The following TMCC2 variants were observed in gnomAD, a reference collection of about 807,000 sequenced individuals.
The protein encoded by TMCC2 is transmembrane and coiled-coil domains protein 2.
A neutral mutation model predicts 49.4 loss-of-function variants in TMCC2; 16 were observed. The observed-to-expected ratio is 0.32, with a 90% CI of 0.22 to 0.49. The LOEUF (loss-of-function observed/expected upper bound fraction) is 0.49, where lower values mean the gene tolerates loss of function less well. Ranked by LOEUF, TMCC2 falls within the 20% of genes least tolerant of loss-of-function variation. TMCC2 has a pLI of 0.99. For synonymous variants in TMCC2, 397 were observed against 434.1 expected (o/e 0.91, Z 1.06); for missense variants, 762 against 989.8 (o/e 0.77, Z 3.09).
intron 2 of TMCC2, among the ~76,000 whole-genome samples, chr1:205,260,079 G>T (rs1661043420): frequency 6.6e-6 from 1 of 152,214 alleles, no homozygotes; most frequent in African/African-American, 2.4e-5. Flanking sequence ...GATCATGGAA[G>T]AAGTATGACT....
chr1:205,272,217 G>A lies in TMCC2; in HGVS notation c.*93G>A. 2.6e-6 allele frequency: 4 copies of A among 1,516,364 alleles called. No individual in the cohort carries two copies. The highest frequency in any genetic ancestry group is 2.6e-6 in the Non-Finnish European group (3 of 1,132,234). The allele number at this position is 1,516,364 out of a possible 1,614,324, so 93.9% of individuals were successfully genotyped here. ...TGGACTTCTTTGTGTGTCCAGTTTG[G>A]CCTCCTGCCCAAACTGTCCATTCCA... On this transcript the variant is annotated 3_prime_UTR_variant, in exon 5 of 5. Transcript: ENST00000358024.
intron 2 of TMCC2, among the ~76,000 whole-genome samples, chr1:205,261,789 T>C (rs1661126769): frequency 6.6e-6 from 1 of 152,202 alleles, no homozygotes; most frequent in Admixed American, 6.5e-5. Context: ...TTTCATCTCA[T>C]CGTCCTGATA....
intron 2 of TMCC2, among the ~76,000 whole-genome samples, chr1:205,254,511 A>G (rs969355080): frequency 7.2e-5 from 11 of 152,194 alleles, no homozygotes; most frequent in African/African-American, 2.7e-4. Context: ...GCAGGCTTAG[A>G]AAAGCATTGC....
chr1:205,267,490 T>C (rs575653108), intron 2 of TMCC2, among the ~76,000 whole-genome samples: 1 of 152,126 alleles, frequency 6.6e-6, no homozygotes, highest in East Asian at 1.9e-4. Context: ...GCTTGGGGTG[T>C]GCTGTGTGTA....
At chr1:205,250,367 C>G (rs982853587) in intron 2 of TMCC2, among the ~76,000 whole-genome samples, 2 of 151,938 alleles carry the variant, frequency 1.3e-5, no homozygotes, top group Non-Finnish European at 2.9e-5. Flanking sequence ...ATGAGGAAAC[C>G]CCGTCTCTAC....
rs1462912823 is a variant in TMCC2 at position 205,241,354 on chromosome 1, A to C, written c.208-151A>C. ...CTTTTCGCAAACTGACCCTTTATGC[A>C]CGACGGGCCATCCACAGAGATCTTC... On this transcript the variant is annotated intron_variant, in intron 1 of 4. Coordinates refer to ENST00000358024, the MANE Select transcript of TMCC2 (RefSeq NM_014858.4). This position sits in a 1 kb window ranked among gnomAD's most constrained non-coding sequence, Gnocchi z 7.3. 1 of 886,456 alleles carries C rather than the reference A, an allele frequency of 1.1e-6. No individual in the cohort carries two copies. The highest frequency in any genetic ancestry group is 1.7e-6 in the Non-Finnish European group (1 of 586,480). 54.9% of individuals were successfully genotyped at this position (886,456 alleles called of 1,614,324 possible). A position where few individuals can be genotyped will look rare whatever the true frequency, so the allele number is the denominator to read the frequency against.
At chr1:205,231,146 A>G (rs1659783511) in intron 1 of TMCC2, among the ~76,000 whole-genome samples, 1 of 151,254 alleles carries the variant, frequency 6.6e-6, no homozygotes, top group African/African-American at 2.4e-5. Context: ...TCATCACAAC[A>G]TGTTTACTAC....
intron 2 of TMCC2, chr1:205,246,568 C>T: frequency 1.9e-6 from 3 of 1,548,512 alleles, no homozygotes; most frequent in Non-Finnish European, 2.6e-6. Flanking sequence ...CACGCGTTGG[C>T]TAAAAGGGTG....
intron 1 of TMCC2, chr1:205,229,269 A>G (rs1006061550): frequency 1.4e-4 from 56 of 387,828 alleles, no homozygotes; most frequent in Admixed American, 2.6e-4. Context: ...GCTCACTGCA[A>G]CCTCCACCTC....
chr1:205,244,572 G>A (rs747621066), intron 2 of TMCC2, among the ~76,000 whole-genome samples: 5 of 152,156 alleles, frequency 3.3e-5, no homozygotes, highest in Non-Finnish European at 7.4e-5. Context: ...GTCTGGTGTT[G>A]TAGAGGCTGG....
intron 2 of TMCC2, among the ~76,000 whole-genome samples, chr1:205,259,205 T>C (rs75769267): frequency 6.7e-6 from 1 of 149,040 alleles, no homozygotes; most frequent in Non-Finnish European, 1.5e-5. Context: ...TTTTTTTTTT[T>C]CCATCTAAGA....
At chr1:205,248,363 T>C (rs747092567) in intron 2 of TMCC2, among the ~76,000 whole-genome samples, 1 of 152,164 alleles carries the variant, frequency 6.6e-6, no homozygotes, top group Non-Finnish European at 1.5e-5. Context: ...CAGGCGTGAT[T>C]GCACCACTGC....
chr1:205,243,149 C>T (rs183237226), intron 2 of TMCC2, among the ~76,000 whole-genome samples: 5 of 152,182 alleles, frequency 3.3e-5, no homozygotes, highest in East Asian at 1.9e-4. Context: ...TCTGGGAGGC[C>T]GAGGTGGGTG....
chr1:205,247,924 A>G (rs1191616912), intron 2 of TMCC2, among the ~76,000 whole-genome samples: 4 of 152,020 alleles, frequency 2.6e-5, no homozygotes, highest in Non-Finnish European at 5.9e-5. Flanking sequence ...CCCCACCCCA[A>G]GAAAGTAGGA....
chr1:205,235,795 C>T lies in TMCC2; in HGVS notation c.208-5710C>T, dbSNP rs1450986628. ...CTAGAAAAACAGTTATTTGGCTGGG[C>T]GCGGTGGCTCACGCCTGTAATCCCA... On this transcript the variant is annotated intron_variant, in intron 1 of 4. Transcript: ENST00000358024. Among the ~76,000 whole-genome samples, 4 of 152,086 alleles carry T rather than the reference C, an allele frequency of 2.6e-5. No homozygotes were observed. The East Asian group carries it at 7.7e-4, about 29-fold the overall frequency.
At chr1:205,271,566 G>T (rs1482091453) in intron 4 of TMCC2, among the ~76,000 whole-genome samples, 2 of 152,214 alleles carry the variant, frequency 1.3e-5, no homozygotes, top group African/African-American at 4.8e-5. Flanking sequence ...CCTCAAGAGG[G>T]AGCCAGCTGG....
chr1:205,260,319 G>T (rs1661054806), intron 2 of TMCC2, among the ~76,000 whole-genome samples: 1 of 152,218 alleles, frequency 6.6e-6, no homozygotes, highest in African/African-American at 2.4e-5. Context: ...GAGGAGCAGT[G>T]GTTCCTGTGT....
chr1:205,261,035 T>C (rs1661089766), intron 2 of TMCC2, among the ~76,000 whole-genome samples: 1 of 152,146 alleles, frequency 6.6e-6, no homozygotes, highest in Non-Finnish European at 1.5e-5. Context: ...CGTTTGGGAA[T>C]TGAAAATATC....
At chr1:205,255,563 A>T (rs933810362) in intron 2 of TMCC2, among the ~76,000 whole-genome samples, 2 of 152,050 alleles carry the variant, frequency 1.3e-5, no homozygotes, top group African/African-American at 4.8e-5. Flanking sequence ...CAAAAAGTGA[A>T]AAAAGAAGGG....
Sources: allele counts gnomAD v4.1 joint callset (sites outside exome capture counted in the v4.1 genomes callset), GRCh38; gene constraint gnomAD v4.1.1; non-coding constraint Gnocchi (gnomAD v3.1); transcripts MANE v1.5; gene names NCBI Gene and HGNC (gene_info 2026-07-23, HGNC 2026-07-21).